The following KLHDC10 variants were observed in gnomAD, a reference collection of about 807,000 sequenced individuals.
KLHDC10 encodes kelch domain containing 10, also known as kelch domain-containing protein 10.
KLHDC10 carries 24 observed loss-of-function variants against 56.1 expected under a neutral mutation model. The observed-to-expected ratio is 0.43, with a 90% confidence interval of 0.31 to 0.60. The LOEUF (loss-of-function observed/expected upper bound fraction) is 0.60. Ranked by LOEUF, KLHDC10 falls within the 20% of genes least tolerant of loss-of-function variation. The pLI is 0.11. For missense variants in KLHDC10, 349 were observed against 567.0 expected (o/e 0.62, Z 3.91); for synonymous variants, 188 against 207.1 (o/e 0.91, Z 0.79).
chr7:130,094,493 A>T (rs1795823003), intron 1 of KLHDC10, among the ~76,000 whole-genome samples: 1 of 152,128 alleles, frequency 6.6e-6, no homozygotes, highest in African/African-American at 2.4e-5. Context: ...GAAAATAAAG[A>T]CCATCATAAA....
At chr7:130,117,310 G>A (rs1158468203) in intron 3 of KLHDC10, among the ~76,000 whole-genome samples, 4 of 152,242 alleles carry the variant, frequency 2.6e-5, no homozygotes, top group African/African-American at 7.2e-5. Flanking sequence ...GGTGATTGTG[G>A]CAATTTCTTA....
intron 1 of KLHDC10, among the ~76,000 whole-genome samples, chr7:130,083,508 A>G (rs1435154971): frequency 1.3e-5 from 2 of 152,150 alleles, no homozygotes; most frequent in East Asian, 3.8e-4. Context: ...CCTGTGCTAC[A>G]CTGTTTTTTG....
chr7:130,072,159 T>G (rs941242517), intron 1 of KLHDC10, among the ~76,000 whole-genome samples: 6 of 152,208 alleles, frequency 3.9e-5, no homozygotes, highest in African/African-American at 1.4e-4. Context: ...AAAACTTAGA[T>G]TTTTGTGTAT....
intron 2 of KLHDC10, among the ~76,000 whole-genome samples, chr7:130,098,472 G>A (rs752842714): frequency 1.3e-5 from 2 of 152,038 alleles, no homozygotes; most frequent in Non-Finnish European, 2.9e-5. Context: ...CAGCCTGGGC[G>A]ATAGAGTGAG....
intron 8 of KLHDC10, among the ~76,000 whole-genome samples, chr7:130,128,208 T>A (rs1471046835): frequency 6.6e-6 from 1 of 152,244 alleles, no homozygotes; most frequent in African/African-American, 2.4e-5. Context: ...CTCACATTTC[T>A]CTCTGTGAGA....
At chr7:130,123,020 G>GATGT (rs370312768) in intron 5 of KLHDC10, among the ~76,000 whole-genome samples, 8,475 of 149,226 alleles carry the variant, frequency 0.057, 291 homozygotes, top group South Asian at 0.13. Context: ...TGGATGTATG[G>GATGT]ATGGATGGAT....
chr7:130,125,263 T>G, intron 6 of KLHDC10, among the ~76,000 whole-genome samples: 1 of 152,184 alleles, frequency 6.6e-6, no homozygotes, highest in East Asian at 1.9e-4. Context: ...AAAAGTGGGC[T>G]GGGTGCGGTA....
chr7:130,086,150 C>T lies in KLHDC10; in HGVS notation c.167-10771C>T, dbSNP rs532090691. Among the ~76,000 whole-genome samples, 31 of 152,168 alleles carry T rather than the reference C, an allele frequency of 2.0e-4. No homozygotes were observed. In the South Asian group the frequency reaches 6.0e-3, roughly 30 times the overall value. ...TTTAAAGTAAGCAGTCCTTGTCTTC[C>T]TCCTACTTTATTGACCTTCTTTGCT... On this transcript the variant is annotated intron_variant, in intron 1 of 9. Coordinates refer to ENST00000335420, the MANE Select transcript of KLHDC10 (RefSeq NM_014997.4).
intron 2 of KLHDC10, among the ~76,000 whole-genome samples, chr7:130,115,581 G>A (rs190726354): frequency 2.2e-4 from 34 of 151,990 alleles, no homozygotes; most frequent in Admixed American, 1.2e-3. Flanking sequence ...CAGGCATGGT[G>A]GCGGGCACCT....
intron 2 of KLHDC10, among the ~76,000 whole-genome samples, chr7:130,114,202 G>A (rs975426758): frequency 1.3e-5 from 2 of 152,148 alleles, no homozygotes; most frequent in Admixed American, 1.3e-4. Flanking sequence ...CTTTGCCCTT[G>A]AGGAGCTTAT....
intron 2 of KLHDC10, among the ~76,000 whole-genome samples, chr7:130,099,623 G>A (rs950526244): frequency 3.9e-5 from 6 of 152,132 alleles, no homozygotes; most frequent in African/African-American, 1.4e-4. Context: ...AAGGCATTTA[G>A]GCAAAACAGG....
At chr7:130,105,609 A>G (rs1339759239) in intron 2 of KLHDC10, among the ~76,000 whole-genome samples, 1 of 152,208 alleles carries the variant, frequency 6.6e-6, no homozygotes, top group Admixed American at 6.5e-5. Flanking sequence ...AGGTATAATA[A>G]AGCTATAAAA....
chr7:130,075,267 C>G (rs1343063873), intron 1 of KLHDC10, among the ~76,000 whole-genome samples: 1 of 152,068 alleles, frequency 6.6e-6, no homozygotes, highest in Non-Finnish European at 1.5e-5. Flanking sequence ...AACAGTTAAA[C>G]ATTGTTGCTA....
intron 1 of KLHDC10, among the ~76,000 whole-genome samples, chr7:130,073,661 TCTTA>T (rs1273191132): frequency 6.6e-6 from 1 of 152,148 alleles, no homozygotes; most frequent in Non-Finnish European, 1.5e-5. Context: ...TAGAACCTTT[TCTTA>T]CTTTTTACAT....
intron 2 of KLHDC10, among the ~76,000 whole-genome samples, chr7:130,115,714 CAAAAA>C (rs11451164): frequency 2.0e-5 from 2 of 100,278 alleles, no homozygotes; most frequent in Non-Finnish European, 3.7e-5. Flanking sequence ...GACTTGGTCT[CAAAAA>C]AAAAAAAAAA....
chr7:130,123,264 C>T (rs555405316), intron 5 of KLHDC10, among the ~76,000 whole-genome samples: 61 of 152,014 alleles, frequency 4.0e-4, no homozygotes, highest in African/African-American at 1.4e-3. Flanking sequence ...GTCAGGAGTT[C>T]GAGACCAGCC....
At chr7:130,107,700 C>G (rs1216554577) in intron 2 of KLHDC10, among the ~76,000 whole-genome samples, 4 of 151,712 alleles carry the variant, frequency 2.6e-5, no homozygotes, top group Admixed American at 6.6e-5. Context: ...AAAAATTAGC[C>G]GGGCGTCGTG....
At chr7:130,099,909 A>C (rs1193814070) in intron 2 of KLHDC10, among the ~76,000 whole-genome samples, 1 of 152,162 alleles carries the variant, frequency 6.6e-6, no homozygotes, top group Admixed American at 6.5e-5. Flanking sequence ...AATCCAGCAG[A>C]GTGAAACCCT....
intron 1 of KLHDC10, among the ~76,000 whole-genome samples, chr7:130,085,783 G>A (rs925396388): frequency 1.4e-5 from 2 of 141,960 alleles, no homozygotes; most frequent in African/African-American, 2.6e-5. Flanking sequence ...GCAGTGAGCC[G>A]ACATTGCACC....
Sources: allele counts gnomAD v4.1 joint callset (sites outside exome capture counted in the v4.1 genomes callset), GRCh38; gene constraint gnomAD v4.1.1; transcripts MANE v1.5; gene names NCBI Gene and HGNC (gene_info 2026-07-23, HGNC 2026-07-21).